Variants in COL11A1 observed in about 807,000 individuals in gnomAD.
COL11A1 encodes collagen alpha-1(XI) chain.
A neutral mutation model predicts 265.2 loss-of-function variants in COL11A1; 74 were observed. The observed-to-expected ratio is 0.28, with a 90% CI of 0.23 to 0.34. COL11A1 has a LOEUF of 0.34. Ranked by LOEUF, COL11A1 falls within the 10% of genes least tolerant of loss-of-function variation. The pLI is 1.00. For synonymous variants in COL11A1, 816 were observed against 727.6 expected (o/e 1.12, Z -1.96); for missense variants, 2,165 against 2,263.6 (o/e 0.96, Z 0.88).
At chr1:102,986,824 C>G (rs1254029238) in intron 30 of COL11A1, among the ~76,000 whole-genome samples, 1 of 151,950 alleles carries the variant, frequency 6.6e-6, no homozygotes, top group Non-Finnish European at 1.5e-5. Context: ...CATAATGCCC[C>G]GTGTCTCTCA....
At chr1:102,993,956 G>A (rs1191029787) in intron 28 of COL11A1, among the ~76,000 whole-genome samples, 2 of 152,178 alleles carry the variant, frequency 1.3e-5, no homozygotes, top group Non-Finnish European at 2.9e-5. Flanking sequence ...AGTTCATCTA[G>A]GTGATCAGGA....
intron 4 of COL11A1, among the ~76,000 whole-genome samples, chr1:103,044,053 A>T (rs998194334): frequency 6.6e-6 from 1 of 152,088 alleles, no homozygotes; most frequent in South Asian, 2.1e-4. Flanking sequence ...ATTAAATCTT[A>T]AATGTGGCAT....
intron 14 of COL11A1, among the ~76,000 whole-genome samples, chr1:103,010,124 G>C (rs1046660276): frequency 6.6e-6 from 1 of 152,100 alleles, no homozygotes; most frequent in Non-Finnish European, 1.5e-5. Context: ...CTTCCTGAAT[G>C]TTTTATGATA....
At chr1:103,004,901 AAG>A (rs1267679337) in intron 18 of COL11A1, among the ~76,000 whole-genome samples, 5 of 151,214 alleles carry the variant, frequency 3.3e-5, no homozygotes, top group African/African-American at 7.3e-5. Flanking sequence ...TTCAATACAA[AAG>A]AGTTATGTAA....
At chr1:103,063,664 A>C (rs961082494) in intron 4 of COL11A1, among the ~76,000 whole-genome samples, 2 of 152,218 alleles carry the variant, frequency 1.3e-5, no homozygotes, top group Non-Finnish European at 2.9e-5. Flanking sequence ...GACTCTTCAG[A>C]CACAACACCA....
At chr1:102,907,589 G>A (rs1456934054) in intron 54 of COL11A1, among the ~76,000 whole-genome samples, 2 of 151,850 alleles carry the variant, frequency 1.3e-5, no homozygotes, top group South Asian at 4.1e-4. Context: ...ATGTTAAAAT[G>A]CTAAACATAT....
intron 15 of COL11A1, among the ~76,000 whole-genome samples, chr1:103,007,606 C>T (rs1331552449): frequency 6.6e-6 from 1 of 152,058 alleles, no homozygotes; most frequent in Non-Finnish European, 1.5e-5. Flanking sequence ...TCCTATAATC[C>T]TAGCACTTTC....
chr1:103,043,422 A>T (rs942917828), intron 4 of COL11A1, among the ~76,000 whole-genome samples: 18 of 152,050 alleles, frequency 1.2e-4, no homozygotes, highest in Non-Finnish European at 2.4e-4. Context: ...ATTTTGTTCA[A>T]TTAAATTCAC....
chr1:103,045,308 T>C (rs1669156607), intron 4 of COL11A1, among the ~76,000 whole-genome samples: 1 of 152,316 alleles, frequency 6.6e-6, no homozygotes, highest in Non-Finnish European at 1.5e-5. Flanking sequence ...CATTCATTTG[T>C]TCTTTTGGCC....
At chr1:103,098,341 C>G (rs1196004566) in intron 1 of COL11A1, among the ~76,000 whole-genome samples, 1 of 151,880 alleles carries the variant, frequency 6.6e-6, no homozygotes, top group Non-Finnish European at 1.5e-5. Flanking sequence ...GTTATACAAG[C>G]CAGATACATT....
At chr1:103,002,929 A>G in intron 21 of COL11A1, 138 bp from the exon 22 acceptor site, 1 of 868,476 alleles carries the variant, frequency 1.2e-6, no homozygotes, top group East Asian at 2.5e-5. Context: ...GGAAACGAAG[A>G]AGAGACAAGA....
chr1:103,097,215 G>A (rs1227089748), intron 1 of COL11A1, among the ~76,000 whole-genome samples: 1 of 151,926 alleles, frequency 6.6e-6, no homozygotes, highest in Admixed American at 6.6e-5. Flanking sequence ...TTAGTGACAT[G>A]TTTCCATGCT....
rs774569403 is a variant in COL11A1, at chr1:102,974,917, AT to A, written c.2755-35del. ...AAAAAGCAGTGGGGAGAAGTTAACAATATGCCTTAGAAGATGCATCTTTATA... is the reference window on the plus strand; with the variant it reads ...AAAAAGCAGTGGGGAGAAGTTAACAAATGCCTTAGAAGATGCATCTTTATA... On this transcript the variant is annotated intron_variant, in intron 35 of 66. Coordinates refer to ENST00000370096, the MANE Select transcript of COL11A1 (RefSeq NM_001854.4). 9.8e-6 allele frequency: 15 copies of A among 1,529,116 alleles called. No individual in the cohort carries two copies. In the East Asian group the frequency reaches 2.3e-4, roughly 23 times the overall value. The allele number at this position is 1,529,116 out of a possible 1,614,324, so 94.7% of individuals were successfully genotyped here. A position where few individuals can be genotyped will look rare whatever the true frequency, so the allele number is the denominator to read the frequency against.
intron 4 of COL11A1, among the ~76,000 whole-genome samples, chr1:103,032,041 T>C (rs1217068998): frequency 6.6e-6 from 1 of 152,122 alleles, no homozygotes; most frequent in East Asian, 1.9e-4. Context: ...ATGTGGCTAC[T>C]TCCATCTGGA....
chr1:103,096,335 G>A (rs1673761818), intron 1 of COL11A1, among the ~76,000 whole-genome samples: 1 of 152,016 alleles, frequency 6.6e-6, no homozygotes, highest in Admixed American at 6.6e-5. Flanking sequence ...GGAGCAGATA[G>A]GAGTTGCTGA....
At chr1:103,024,653 A>G (rs71664962) in intron 7 of COL11A1, among the ~76,000 whole-genome samples, 11,994 of 152,154 alleles carry the variant, frequency 0.079, 521 homozygotes, top group Middle Eastern at 0.14. Context: ...ATCTTGAATC[A>G]AAATACTCAT....
At position 102,913,618 on chromosome 1, in the gene COL11A1, A is replaced by G. The variant is rs1654962091; in HGVS notation, c.4032+19T>C. The G allele has an allele frequency of 1.2e-6, 2 of 1,610,322 alleles. No individual in the cohort carries two copies. Among genetic ancestry groups the G allele is most frequent in the African/African-American group, 1.3e-5 (1 of 74,802 alleles). On this transcript the variant is annotated intron_variant, in intron 53 of 66. Transcript: ENST00000370096. ...GAGACTATGTAAAAACTTAAAAATA[A>G]ATTAGTGCATTTACTCACCGGTTGA... is the stretch of plus-strand genomic sequence containing the variant.
Position 102,898,927 on chromosome 1 carries a change from T to A in COL11A1, c.4140+14A>T, listed in dbSNP as rs1652804982. The A allele has an allele frequency of 3.7e-6, 5 of 1,336,612 alleles. No individual in the cohort carries two copies. Among genetic ancestry groups the A allele is most frequent in the Non-Finnish European group, 5.1e-6 (5 of 976,350 alleles). The allele number at this position is 1,336,612 out of a possible 1,614,324, so 82.8% of individuals were successfully genotyped here. ...TATATAATATATATTATGTATATAT[T>A]ATTTTTTTTTTACCTTAGCACCTTT... On this transcript the variant is annotated intron_variant, in intron 55 of 66. Transcript: ENST00000370096.
At chr1:103,021,890 C>T (rs1252029714) in intron 8 of COL11A1, 121 bp from the exon 9 acceptor site, 2 of 768,586 alleles carry the variant, frequency 2.6e-6, no homozygotes, top group Admixed American at 2.2e-5. Context: ...CTCTGTTGCC[C>T]AGGTTAGAGT....
Sources: allele counts gnomAD v4.1 joint callset (sites outside exome capture counted in the v4.1 genomes callset), GRCh38; gene constraint gnomAD v4.1.1; transcripts MANE v1.5; gene names NCBI Gene and HGNC (gene_info 2026-07-23, HGNC 2026-07-21).